MOB3A: variants seen among roughly 807,000 people sequenced by gnomAD.
MOB3A encodes the protein MOB kinase activator 3A.
In MOB3A, 17 loss-of-function variants were observed where a neutral mutation model predicts 17.8. The ratio of observed to expected loss-of-function variants is 0.95; its 90% CI spans 0.65 to 1.43. The LOEUF (loss-of-function observed/expected upper bound fraction) is 1.43, where lower values mean the gene tolerates loss of function less well. Ranked by LOEUF, MOB3A falls within the 40% of genes most tolerant of loss-of-function variation. The pLI is 0.00. For synonymous variants in MOB3A, 124 were observed against 133.2 expected, an observed-to-expected ratio of 0.93 and a Z score of 0.48; for missense variants, 333 against 310.8, an observed-to-expected ratio of 1.07 and a Z score of -0.54.
rs1252051550 is a variant in MOB3A, at chr19:2,082,547, G to A, written c.-120+2628C>T. The stretch of plus-strand genomic sequence containing the variant: ...CCTGGACTCTGTGGGTGGATCGGCC[G>A]GGTCTCGAACCCTGGACTCTGTGGG... On this transcript the variant is annotated intron_variant, in intron 2 of 4. Transcript: ENST00000357066. The surrounding 1 kb of genome is among the most constrained non-coding windows in gnomAD (Gnocchi z 4.1). Among the ~76,000 whole-genome samples the A allele has an allele frequency of 2.0e-5, 3 of 152,102 alleles. No homozygotes were observed. Among genetic ancestry groups the A allele is most frequent in the African/African-American group, 4.8e-5 (2 of 41,410 alleles).
intron 4 of MOB3A, 123 bp downstream of exon 4, chr19:2,076,688 A>T: frequency 1.0e-6 from 1 of 978,680 alleles, no homozygotes; most frequent in Non-Finnish European, 1.5e-6. Context: ...GCCCAACTCC[A>T]GCCGGGGCCG....
chr19:2,091,293 TAAG>T (rs1490546792), intron 1 of MOB3A, among the ~76,000 whole-genome samples: 1 of 152,174 alleles, frequency 6.6e-6, no homozygotes, highest in African/African-American at 2.4e-5. Flanking sequence ...CACACAGTTT[TAAG>T]AAGAATGAGA....
At chr19:2,089,483 G>A (rs2017589054) in intron 1 of MOB3A, among the ~76,000 whole-genome samples, 1 of 152,062 alleles carries the variant, frequency 6.6e-6, no homozygotes, top group African/African-American at 2.4e-5. Flanking sequence ...CATGCCAGGA[G>A]CACCCCCAGT....
chr19:2,090,957 C>T (rs572928992), intron 1 of MOB3A, among the ~76,000 whole-genome samples: 3 of 152,276 alleles, frequency 2.0e-5, no homozygotes, highest in African/African-American at 4.8e-5. Flanking sequence ...CCACCGCGCC[C>T]GGCCAAAATA....
chr19:2,086,041 C>T (rs1044974682), intron 1 of MOB3A, among the ~76,000 whole-genome samples: 18 of 147,932 alleles, frequency 1.2e-4, no homozygotes, highest in African/African-American at 4.2e-4. Context: ...TTTTTACTTT[C>T]ATTTATTTAT....
intron 1 of MOB3A, among the ~76,000 whole-genome samples, chr19:2,090,876 A>G (rs1369917168): frequency 6.6e-6 from 1 of 152,108 alleles, no homozygotes; most frequent in South Asian, 2.1e-4. Flanking sequence ...GTTAGTCAGG[A>G]TGGTCTCGAT....
chr19:2,092,140 C>A (rs1278765675), intron 1 of MOB3A, among the ~76,000 whole-genome samples: 1 of 142,612 alleles, frequency 7.0e-6, no homozygotes, highest in African/African-American at 2.6e-5. Context: ...TCGCTCTATC[C>A]CCCAGGCTGG....
intron 2 of MOB3A, among the ~76,000 whole-genome samples, chr19:2,080,972 C>G (rs2017480017): frequency 6.6e-6 from 1 of 152,058 alleles, no homozygotes; most frequent in Admixed American, 6.6e-5. Flanking sequence ...AAGACCTCGT[C>G]TCTACAAAAA....
chr19:2,075,840 T>G (rs1008170621), intron 4 of MOB3A, among the ~76,000 whole-genome samples: 2 of 152,114 alleles, frequency 1.3e-5, no homozygotes, highest in African/African-American at 4.8e-5. Flanking sequence ...GGGTGGAATC[T>G]AGGCAGGTGC....
At chr19:2,092,639 T>A (rs1340380454) in intron 1 of MOB3A, among the ~76,000 whole-genome samples, 1 of 147,720 alleles carries the variant, frequency 6.8e-6, no homozygotes, top group African/African-American at 2.5e-5. Context: ...ATGCCTGTAA[T>A]CCCAGCTACT....
rs1421738851 is a variant in MOB3A at position 2,082,527 on chromosome 19, A to G, written c.-120+2648T>C. 6.6e-6 allele frequency among the ~76,000 whole-genome samples: 1 copy of G among 151,832 alleles called. No individual in the cohort carries two copies. Among genetic ancestry groups the G allele is most frequent in the Non-Finnish European group, 1.5e-5 (1 of 67,934 alleles). On this transcript the variant is annotated intron_variant, in intron 2 of 4. Coordinates refer to ENST00000357066, the MANE Select transcript of MOB3A (RefSeq NM_130807.3). The surrounding 1 kb of genome is among the most constrained non-coding windows in gnomAD (Gnocchi z 4.1). ...GGATCGGCTGGGGCTCGAACCCTGG[A>G]CTCTGTGGGTGGATCGGCCGGGTCT... is the stretch of plus-strand genomic sequence containing the variant.
rs1257905770 is a variant in MOB3A, at chr19:2,078,249, C to G, written c.312G>C (p.Glu104Asp). The G allele has an allele frequency of 6.2e-7, 1 of 1,614,068 alleles. No individual in the cohort carries two copies. The highest frequency in any genetic ancestry group is 8.5e-7 in the Non-Finnish European group (1 of 1,179,960). ...GTGCCGTGGGCTTCCGGAACTTATG[C>G]TCATCCTGCCAGCGGTACTCATACT... Reference protein sequence around the residue: ...GPKYEYRWQDEHKFRKPTALS... With the variant: ...GPKYEYRWQDDHKFRKPTALS... The change falls in exon 3 of 5, where the codon GAG becomes GAC. Residue 104 changes from glutamate (E) to aspartate (D), a missense_variant. Coordinates refer to ENST00000357066, the MANE Select transcript of MOB3A (RefSeq NM_130807.3).
intron 1 of MOB3A, among the ~76,000 whole-genome samples, chr19:2,095,768 T>TC (rs202116641): frequency 0.012 from 1,817 of 151,056 alleles, 30 homozygotes; most frequent in African/African-American, 0.042. Context: ...TTTTTTTTTT[T>TC]TCCCCCGCTC....
intron 1 of MOB3A, among the ~76,000 whole-genome samples, chr19:2,090,694 C>T (rs1008147588): frequency 4.6e-5 from 7 of 152,058 alleles, no homozygotes; most frequent in African/African-American, 1.7e-4. Context: ...GACGGAGTCT[C>T]GCTCTGTTGC....
At chr19:2,094,133 G>A (rs375684176) in intron 1 of MOB3A, among the ~76,000 whole-genome samples, 2 of 146,304 alleles carry the variant, frequency 1.4e-5, no homozygotes, top group South Asian at 2.1e-4. Flanking sequence ...TGCAGGCTTC[G>A]CCTCCAGGGT....
Position 2,080,619 on chromosome 19 carries a change from C to T in MOB3A, c.-119-1940G>A, listed in dbSNP as rs369120617. 6.9e-4 allele frequency among the ~76,000 whole-genome samples: 105 copies of T among 152,186 alleles called. 1 individual carries two copies. The highest frequency in any genetic ancestry group is 5.4e-3 in the East Asian group (28 of 5,166). ...CTCGAATTCCTGACCTCATCTGATC[C>T]GCCCACCTTGGCCTCCAAAGTGCTG... On this transcript the variant is annotated intron_variant, in intron 2 of 4. Coordinates refer to ENST00000357066, the MANE Select transcript of MOB3A (RefSeq NM_130807.3).
At chr19:2,090,827 C>T (rs755966666) in intron 1 of MOB3A, among the ~76,000 whole-genome samples, 1 of 152,070 alleles carries the variant, frequency 6.6e-6, no homozygotes, top group Non-Finnish European at 1.5e-5. Flanking sequence ...CCGTGCTCAG[C>T]TAATTTTTGA....
chr19:2,092,552 A>G (rs180985571), intron 1 of MOB3A, among the ~76,000 whole-genome samples: 180 of 152,120 alleles, frequency 1.2e-3, no homozygotes, highest in African/African-American at 4.1e-3. Flanking sequence ...TGAGGCAGGC[A>G]GACTGCCTGA....
At chr19:2,088,645 T>C (rs1003650896) in intron 1 of MOB3A, among the ~76,000 whole-genome samples, 2 of 152,064 alleles carry the variant, frequency 1.3e-5, no homozygotes, top group Non-Finnish European at 2.9e-5. Flanking sequence ...TTTTTTTGTA[T>C]TTTTAGTAGA....
Sources: allele counts gnomAD v4.1 joint callset (sites outside exome capture counted in the v4.1 genomes callset), GRCh38; gene constraint gnomAD v4.1.1; non-coding constraint Gnocchi (gnomAD v3.1); transcripts MANE v1.5; gene names NCBI Gene and HGNC (gene_info 2026-07-23, HGNC 2026-07-21).